ZNF41: variants seen among roughly 807,000 people sequenced by gnomAD.
The protein encoded by ZNF41 is zinc finger protein 41.
Under a neutral mutation model 9.3 loss-of-function variants are expected in ZNF41, and 6 were observed. That is an observed-to-expected ratio of 0.65 (90% CI 0.35 to 1.28). ZNF41 has a LOEUF of 1.28. ZNF41 is among the 50% of genes most tolerant of loss of function. ZNF41 has a pLI of 0.03. For synonymous variants in ZNF41, 192 were observed against 207.1 expected, an observed-to-expected ratio of 0.93 and a Z score of 0.63; for missense variants, 523 against 585.8, an observed-to-expected ratio of 0.89 and a Z score of 1.11.
rs372138304 is a variant in ZNF41, at chrX:47,447,409, G to C, written c.*21C>G. 11 of 1,206,893 alleles carry C rather than the reference G, an allele frequency of 9.1e-6. No homozygotes were observed. The highest frequency in any genetic ancestry group is 1.2e-5 in the Non-Finnish European group (11 of 894,903). On this transcript the variant is annotated 3_prime_UTR_variant, in exon 5 of 5. Coordinates refer to ENST00000684689, the MANE Select transcript of ZNF41 (RefSeq NM_001324144.2). The stretch of plus-strand genomic sequence containing the variant: ...AGATACCTGATGCATACCCAGTTGT[G>C]ATTTCCAGGTGAAGACTTTCTCAGT...
intron 2 of ZNF41, among the ~76,000 whole-genome samples, chrX:47,461,121 G>A (rs2056772802): frequency 9.6e-6 from 1 of 103,630 alleles, no homozygotes. Context: ...TTTTGAGACA[G>A]GATCTTAACT....
intron 2 of ZNF41, among the ~76,000 whole-genome samples, chrX:47,462,044 A>G: frequency 9.3e-6 from 1 of 107,540 alleles, no homozygotes; most frequent in Middle Eastern, 4.9e-3. Context: ...ACTTTTGCCC[A>G]GGCTGGAGGG....
At position 47,456,267 on chromosome X, in the gene ZNF41, C is replaced by T; in HGVS notation, c.199+5G>A. On this transcript the variant is annotated splice_donor_5th_base_variant and intron_variant, in intron 3 of 4. Coordinates refer to ENST00000684689, the MANE Select transcript of ZNF41 (RefSeq NM_001324144.2). ...TTAGCAGATGCATAGGGCGGCCGTG[C>T]TTACCCACTGAGAGCAGGTGGCTGT... The T allele has an allele frequency of 1.7e-6, 2 of 1,211,444 alleles. No homozygotes were observed. The highest frequency in any genetic ancestry group is 1.8e-5 in the South Asian group (1 of 56,953).
Position 47,455,943 on chromosome X carries a change from T to C in ZNF41, c.273A>G (p.Glu91=). The C allele has an allele frequency of 3.3e-6, 4 of 1,211,597 alleles. No homozygotes were observed. The highest frequency in any genetic ancestry group is 4.5e-6 in the Non-Finnish European group (4 of 895,303). Residue 91 remains glutamate, a synonymous_variant, in exon 4 of 5, where the codon GAA becomes GAG. Coordinates refer to ENST00000684689, the MANE Select transcript of ZNF41 (RefSeq NM_001324144.2). ...QGEGPWMLEG[E]APHQSCSGEA... is the part of the protein sequence containing the mutation. ...CACCTGAACAGCTCTGATGTGGGGC[T>C]TCCCCCTCCAGCATCCATGGCCCCT...
intron 2 of ZNF41, among the ~76,000 whole-genome samples, chrX:47,462,910 G>A (rs866364549): frequency 1.1e-5 from 1 of 92,748 alleles, no homozygotes; most frequent in African/African-American, 4.0e-5. Flanking sequence ...TTTTTTGTAT[G>A]TATATATATA....
intron 1 of ZNF41, among the ~76,000 whole-genome samples, chrX:47,469,139 G>A (rs1262962321): frequency 2.9e-5 from 3 of 102,977 alleles, no homozygotes; most frequent in East Asian, 3.0e-4. Flanking sequence ...GTGAAACCCC[G>A]TCTCTACTAA....
Position 47,448,381 on chromosome X carries a change from T to G in ZNF41, c.1389A>C (p.Gly463=). ...HFNTHQRIHT[G]EKPYECSDCG... Reference sequence around the variant, plus strand: ...AGTCACTGCATTCATACGGCTTTTCTCCAGTATGAATTCTCTGATGTGTGT... The same window carrying G: ...AGTCACTGCATTCATACGGCTTTTCGCCAGTATGAATTCTCTGATGTGTGT... Residue 463 remains glycine, a synonymous_variant, in exon 5 of 5, where the codon GGA becomes GGC. Transcript: ENST00000684689. 8.3e-7 allele frequency: 1 copy of G among 1,211,653 alleles called. No individual in the cohort carries two copies. The highest frequency in any genetic ancestry group is 1.1e-6 in the Non-Finnish European group (1 of 895,520).
chrX:47,478,877 TG>T (rs1383261335), intron 1 of ZNF41, among the ~76,000 whole-genome samples: 1 of 110,328 alleles, frequency 9.1e-6, no homozygotes, highest in Non-Finnish European at 1.9e-5. Flanking sequence ...GCAGCTGCAG[TG>T]AACTGAGATC....
At chrX:47,456,077 T>C (rs759805459) in intron 3 of ZNF41, 61 bp from the exon 4 acceptor site, 782 of 1,107,044 alleles carry the variant, frequency 7.1e-4, no homozygotes, top group Non-Finnish European at 8.9e-4. Flanking sequence ...GGCCTTTCAG[T>C]GACACTTTCC....
chrX:47,468,347 C>T (rs1469597833), intron 1 of ZNF41, among the ~76,000 whole-genome samples: 1 of 111,663 alleles, frequency 9.0e-6, no homozygotes, highest in Non-Finnish European at 1.9e-5. Flanking sequence ...GACCATGCCA[C>T]TTGAGCATAA....
intron 2 of ZNF41, among the ~76,000 whole-genome samples, chrX:47,459,764 A>AAAAAAAAAAAG (rs1456368840): frequency 9.9e-6 from 1 of 101,122 alleles, no homozygotes; most frequent in African/African-American, 4.1e-5. Flanking sequence ...AAAAAAAAAA[A>AAAAAAAAAAAG]AAAGAAAGAA....
chrX:47,481,561 C>T (rs1028652423), intron 1 of ZNF41, among the ~76,000 whole-genome samples: 11 of 111,900 alleles, frequency 9.8e-5, no homozygotes, highest in Admixed American at 6.6e-4. Flanking sequence ...TTGGGAGGAT[C>T]GACTGAGCAC....
chrX:47,469,890 GAACA>G (rs1003240891), intron 1 of ZNF41, among the ~76,000 whole-genome samples: 6 of 110,057 alleles, frequency 5.5e-5, no homozygotes, highest in South Asian at 3.8e-4. Context: ...ACAAACAAAC[GAACA>G]AACAAATTCC....
At chrX:47,464,095 C>T (rs755803164) in intron 2 of ZNF41, among the ~76,000 whole-genome samples, 1 of 111,190 alleles carries the variant, frequency 9.0e-6, no homozygotes, top group South Asian at 3.8e-4. Flanking sequence ...CTGACTGCTC[C>T]GTCTGGCTGC....
At chrX:47,480,052 G>A (rs777218583) in intron 1 of ZNF41, among the ~76,000 whole-genome samples, 1 of 109,974 alleles carries the variant, frequency 9.1e-6, no homozygotes, top group African/African-American at 3.3e-5. Context: ...CCAAGATTGC[G>A]CCACTGCACT....
chrX:47,455,500 G>A (rs957842929), intron 4 of ZNF41, among the ~76,000 whole-genome samples: 5 of 110,191 alleles, frequency 4.5e-5, no homozygotes, highest in East Asian at 2.9e-4. Context: ...TGGGAGGATC[G>A]CTTGAACCTG....
chrX:47,446,638 T>A lies in ZNF41; in HGVS notation c.*792A>T, dbSNP rs1239487256. 4.5e-5 allele frequency: 5 copies of A among 110,293 alleles called. No homozygotes were observed. Among genetic ancestry groups the A allele is most frequent in the Admixed American group, 9.8e-5 (1 of 10,184 alleles). 9.1% of individuals were successfully genotyped at this position (110,293 alleles called of 1,213,427 possible). A position where few individuals can be genotyped will look rare whatever the true frequency, so the allele number is the denominator to read the frequency against. ...TAGGTTAGAAGGCATGCATACTTCT[T>A]ATAGGGTATGACTCATCTGCTCTCC... On this transcript the variant is annotated 3_prime_UTR_variant, in exon 5 of 5. Transcript: ENST00000684689.
intron 1 of ZNF41, among the ~76,000 whole-genome samples, chrX:47,469,125 A>C (rs1171575948): frequency 1.9e-5 from 2 of 102,667 alleles, no homozygotes; most frequent in African/African-American, 7.1e-5. Context: ...TCCCGGCTAA[A>C]ACGGTGAAAC....
At chrX:47,459,764 A>AAAAAAAAG (rs1456368840) in intron 2 of ZNF41, among the ~76,000 whole-genome samples, 11 of 101,117 alleles carry the variant, frequency 1.1e-4, no homozygotes, top group African/African-American at 4.5e-4. Flanking sequence ...AAAAAAAAAA[A>AAAAAAAAG]AAAGAAAGAA....
Sources: allele counts gnomAD v4.1 joint callset (sites outside exome capture counted in the v4.1 genomes callset), GRCh38; gene constraint gnomAD v4.1.1; transcripts MANE v1.5; gene names NCBI Gene and HGNC (gene_info 2026-07-23, HGNC 2026-07-21).